Variants in TBC1D15 observed in about 807,000 individuals in gnomAD.
TBC1D15 encodes GAP for RAB7.
A neutral mutation model predicts 95.4 loss-of-function variants in TBC1D15; 39 were observed. The observed-to-expected ratio is 0.41, with a 90% CI of 0.32 to 0.53. TBC1D15 has a LOEUF of 0.53. Ranked by LOEUF, TBC1D15 falls within the 20% of genes least tolerant of loss-of-function variation. TBC1D15 has a pLI of 0.29. For missense variants in TBC1D15, 733 were observed against 794.3 expected (o/e 0.92, Z 0.93); for synonymous variants, 258 against 261.3 (o/e 0.99, Z 0.12).
At chr12:71,919,335 A>G (rs1242529420) in intron 14 of TBC1D15, among the ~76,000 whole-genome samples, 1 of 151,676 alleles carries the variant, frequency 6.6e-6, no homozygotes, top group Non-Finnish European at 1.5e-5. Flanking sequence ...GGTGTATGCC[A>G]CTGTGTCCAG....
chr12:71,850,605 C>G (rs1887548372), intron 1 of TBC1D15, among the ~76,000 whole-genome samples: 1 of 151,784 alleles, frequency 6.6e-6, no homozygotes, highest in Non-Finnish European at 1.5e-5. Flanking sequence ...GACGTGGGGT[C>G]TAGCTGTGTT....
rs565572673 is a variant in TBC1D15, at chr12:71,906,819, A to G, written c.1184-203A>G. Among the ~76,000 whole-genome samples, 9 of 152,272 alleles carry G rather than the reference A, an allele frequency of 5.9e-5. No individual in the cohort carries two copies. In the South Asian group the frequency reaches 1.9e-3, roughly 32 times the overall value. ...AAAAATATTTTAAAATCTGCCCATG[A>G]GGAGGACTGATTCTTGAAAAAATTC... On this transcript the variant is annotated intron_variant, in intron 10 of 16. Transcript: ENST00000485960.
intron 1 of TBC1D15, among the ~76,000 whole-genome samples, chr12:71,853,195 T>C (rs1238249851): frequency 6.6e-6 from 1 of 152,136 alleles, no homozygotes; most frequent in East Asian, 1.9e-4. Flanking sequence ...ACACTTCACA[T>C]AGAGCAGGAG....
intron 3 of TBC1D15, among the ~76,000 whole-genome samples, chr12:71,878,804 A>C (rs762797417): frequency 4.6e-5 from 7 of 151,554 alleles, no homozygotes; most frequent in Admixed American, 6.6e-5. Context: ...GGCATGAGCT[A>C]CTGCACCTGG....
chr12:71,861,857 T>C (rs1890448938), intron 1 of TBC1D15, among the ~76,000 whole-genome samples: 1 of 152,112 alleles, frequency 6.6e-6, no homozygotes, highest in Non-Finnish European at 1.5e-5. Flanking sequence ...ACTTTTGCTG[T>C]ATCCCATGGG....
intron 16 of TBC1D15, among the ~76,000 whole-genome samples, chr12:71,922,468 G>A (rs1214070188): frequency 4.6e-5 from 7 of 150,658 alleles, no homozygotes; most frequent in Non-Finnish European, 1.0e-4. Context: ...GTATACATGT[G>A]CCACATTGGT....
At chr12:71,851,396 C>G (rs561656307) in intron 1 of TBC1D15, among the ~76,000 whole-genome samples, 1 of 152,134 alleles carries the variant, frequency 6.6e-6, no homozygotes, top group Admixed American at 6.5e-5. Flanking sequence ...CATTCCTCTT[C>G]TGGCCCCTCC....
At chr12:71,844,685 TA>T (rs1885876781) in intron 1 of TBC1D15, among the ~76,000 whole-genome samples, 2 of 152,212 alleles carry the variant, frequency 1.3e-5, no homozygotes, top group African/African-American at 4.8e-5. Context: ...GACTGAATCT[TA>T]CTTATTTACA....
intron 1 of TBC1D15, among the ~76,000 whole-genome samples, chr12:71,868,498 G>A (rs1025479172): frequency 9.9e-5 from 15 of 151,988 alleles, no homozygotes; most frequent in African/African-American, 2.9e-4. Flanking sequence ...CACCCACCTC[G>A]GCCTCCCAAA....
At chr12:71,888,252 G>A (rs1896608158) in intron 5 of TBC1D15, among the ~76,000 whole-genome samples, 1 of 152,208 alleles carries the variant, frequency 6.6e-6, no homozygotes, top group South Asian at 2.1e-4. Context: ...GGGAGGCTGA[G>A]GTGGGCGGAT....
At chr12:71,855,039 C>T (rs761608944) in intron 1 of TBC1D15, among the ~76,000 whole-genome samples, 22 of 152,132 alleles carry the variant, frequency 1.4e-4, no homozygotes, top group African/African-American at 3.6e-4. Context: ...AATTGACTCA[C>T]GGTTTCGCAT....
chr12:71,872,255 G>T (rs1238581816), intron 2 of TBC1D15, 87 bp downstream of exon 2: 59 of 703,744 alleles, frequency 8.4e-5, no homozygotes, highest in Non-Finnish European at 1.2e-4. Context: ...TGAATTTCAT[G>T]TGTAAGATAC....
chr12:71,888,797 T>C (rs1443492501), intron 5 of TBC1D15, among the ~76,000 whole-genome samples: 1 of 152,034 alleles, frequency 6.6e-6, no homozygotes, highest in Non-Finnish European at 1.5e-5. Flanking sequence ...GAAGTGCTCA[T>C]TTCCTTTTGG....
intron 1 of TBC1D15, among the ~76,000 whole-genome samples, chr12:71,859,650 C>G (rs764272541): frequency 2.0e-5 from 3 of 151,866 alleles, no homozygotes; most frequent in Admixed American, 6.6e-5. Context: ...CTATGTTGCC[C>G]GGGCTGGAGT....
chr12:71,875,084 G>T (rs770325812), intron 3 of TBC1D15, among the ~76,000 whole-genome samples: 19 of 151,498 alleles, frequency 1.3e-4, no homozygotes, highest in Admixed American at 3.3e-4. Flanking sequence ...AACTACAGGC[G>T]CATGCCACCA....
At chr12:71,871,543 C>T (rs1288881210) in intron 1 of TBC1D15, among the ~76,000 whole-genome samples, 2 of 152,034 alleles carry the variant, frequency 1.3e-5, no homozygotes, top group Non-Finnish European at 2.9e-5. Flanking sequence ...TCAATTCGAG[C>T]TCAGTATTTT....
At chr12:71,850,110 A>G in intron 1 of TBC1D15, 1 of 524,468 alleles carries the variant, frequency 1.9e-6, no homozygotes, top group Non-Finnish European at 3.7e-6. Flanking sequence ...GACACTCTGG[A>G]GTTATCTCAG....
In TBC1D15 at chr12:71,873,012, GA is replaced by G; in HGVS notation, c.204+16del. ...TTCTCTATGCTAGAAAGGTATTTAA[GA>G]AAAAAATGTGTTACTAAGGGAATGC... On this transcript the variant is annotated intron_variant, in intron 3 of 16. Transcript: ENST00000485960. The G allele has an allele frequency of 6.3e-7, 1 of 1,577,596 alleles. No individual in the cohort carries two copies.
chr12:71,912,899 C>T (rs1328512803), intron 11 of TBC1D15, among the ~76,000 whole-genome samples: 3 of 151,924 alleles, frequency 2.0e-5, no homozygotes, highest in Admixed American at 6.6e-5. Context: ...GTTCAAGAAC[C>T]TCTTAAGTCT....
Sources: allele counts gnomAD v4.1 joint callset (sites outside exome capture counted in the v4.1 genomes callset), GRCh38; gene constraint gnomAD v4.1.1; transcripts MANE v1.5; gene names NCBI Gene and HGNC (gene_info 2026-07-23, HGNC 2026-07-21).